NCAPG2: variants seen among roughly 807,000 people sequenced by gnomAD.
NCAPG2 encodes condensin-2 complex subunit G2.
Under a neutral mutation model 141.1 loss-of-function variants are expected in NCAPG2, and 53 were observed. The observed-to-expected ratio is 0.38, with a 90% confidence interval of 0.30 to 0.47. The LOEUF (loss-of-function observed/expected upper bound fraction) is 0.47. Ranked by LOEUF, NCAPG2 falls within the 20% of genes least tolerant of loss-of-function variation. NCAPG2 has a pLI of 0.99. For synonymous variants in NCAPG2, 499 were observed against 490.7 expected (o/e 1.02, Z -0.22); for missense variants, 1,087 against 1,389.0 (o/e 0.78, Z 3.46).
chr7:158,670,446 G>A (rs1563546681), intron 13 of NCAPG2, among the ~76,000 whole-genome samples: 3 of 152,090 alleles, frequency 2.0e-5, no homozygotes, highest in Non-Finnish European at 4.4e-5. Context: ...CACTCCTGTG[G>A]TCCTAGCCAC....
At chr7:158,657,629 GC>G in intron 17 of NCAPG2, among the ~76,000 whole-genome samples, 1 of 152,202 alleles carries the variant, frequency 6.6e-6, no homozygotes, top group South Asian at 2.1e-4. Flanking sequence ...CCTCTGCCTG[GC>G]CACCACCCCG....
At chr7:158,678,289 G>C (rs1330360082) in intron 11 of NCAPG2, among the ~76,000 whole-genome samples, 1 of 152,130 alleles carries the variant, frequency 6.6e-6, no homozygotes, top group African/African-American at 2.4e-5. Context: ...TAAAGGTTGA[G>C]TTAAAGCCTC....
intron 13 of NCAPG2, chr7:158,668,410 T>G: frequency 1.0e-6 from 1 of 981,306 alleles, no homozygotes. Flanking sequence ...TACTGTTTTC[T>G]GTTTTGTTTT....
intron 7 of NCAPG2, among the ~76,000 whole-genome samples, chr7:158,686,489 T>C (rs753213290): frequency 2.0e-5 from 3 of 152,228 alleles, no homozygotes; most frequent in Non-Finnish European, 4.4e-5. Context: ...AAAACTTTAC[T>C]ATTTTCTGTG....
At chr7:158,654,298 C>A (rs1360110962) in intron 22 of NCAPG2, among the ~76,000 whole-genome samples, 1 of 152,152 alleles carries the variant, frequency 6.6e-6, no homozygotes, top group Non-Finnish European at 1.5e-5. Flanking sequence ...CACACAGATG[C>A]CAGGAAATAG....
At chr7:158,632,898 C>G (rs191018104) in intron 27 of NCAPG2, among the ~76,000 whole-genome samples, 135 of 152,264 alleles carry the variant, frequency 8.9e-4, no homozygotes, top group African/African-American at 3.0e-3. Flanking sequence ...TCCATACTGT[C>G]TTCAAAACCT....
intron 11 of NCAPG2, among the ~76,000 whole-genome samples, chr7:158,675,871 G>A (rs960417837): frequency 1.3e-5 from 2 of 152,138 alleles, no homozygotes; most frequent in African/African-American, 2.4e-5. Flanking sequence ...TGCCTCATGT[G>A]CCACATCCCC....
intron 11 of NCAPG2, among the ~76,000 whole-genome samples, chr7:158,676,685 G>A (rs1342154569): frequency 1.3e-5 from 2 of 152,072 alleles, no homozygotes; most frequent in East Asian, 3.9e-4. Context: ...GGCACACAGG[G>A]GTTATTACTC....
At chr7:158,677,099 G>A (rs1287449120) in intron 11 of NCAPG2, among the ~76,000 whole-genome samples, 3 of 152,098 alleles carry the variant, frequency 2.0e-5, no homozygotes, top group Non-Finnish European at 4.4e-5. Context: ...CAGGAGTTCA[G>A]GGGCAAGGAT....
Position 158,690,660 on chromosome 7 carries a change from C to T in NCAPG2, c.445G>A (p.Val149Ile), listed in dbSNP as rs1336748278. The T allele has an allele frequency of 6.2e-7, 1 of 1,614,006 alleles. No homozygotes were observed. Among genetic ancestry groups the T allele is most frequent in the African/African-American group, 1.3e-5 (1 of 74,944 alleles). ...GGCAGGCCTTTCTCCCACCAGGTAA[C>T]ACACAAATCCTGAATAGAACTCTGT... Reference protein sequence around the residue: ...KLQSSIQDLCVTWWEKGLPAK... With the variant: ...KLQSSIQDLCITWWEKGLPAK... The change falls in exon 5 of 28, where the codon GTT becomes ATT. Residue 149 changes from valine (V) to isoleucine (I), a missense_variant. By Grantham distance (29) the Val-to-Ile change is conservative. Transcript: ENST00000356309.
intron 2 of NCAPG2, among the ~76,000 whole-genome samples, chr7:158,694,894 C>T (rs987869433): frequency 6.6e-6 from 1 of 152,158 alleles, no homozygotes; most frequent in Non-Finnish European, 1.5e-5. Flanking sequence ...CAATTCTCCT[C>T]TCCATTTTCC....
chr7:158,644,579 T>C (rs1830867791), intron 26 of NCAPG2, among the ~76,000 whole-genome samples, 191 bp from the exon 27 acceptor site: 2 of 152,164 alleles, frequency 1.3e-5, no homozygotes, highest in South Asian at 4.1e-4. Flanking sequence ...AAACAAACGT[T>C]TACTGGGAAG....
intron 12 of NCAPG2, among the ~76,000 whole-genome samples, chr7:158,673,525 C>A (rs1383040003): frequency 6.6e-6 from 1 of 152,222 alleles, no homozygotes; most frequent in Non-Finnish European, 1.5e-5. Context: ...GCCTGTGGGT[C>A]TGCACGAGGC....
intron 19 of NCAPG2, 56 bp from the exon 20 acceptor site, chr7:158,655,511 C>T (rs987922332): frequency 4.3e-6 from 6 of 1,408,266 alleles, no homozygotes; most frequent in African/African-American, 1.4e-5. Context: ...CCACCACACC[C>T]CGTACAGCAA....
At chr7:158,655,073 C>T (rs375015195) in intron 21 of NCAPG2, 45 bp downstream of exon 21, 7 of 1,544,792 alleles carry the variant, frequency 4.5e-6, no homozygotes, top group Non-Finnish European at 6.1e-6. Flanking sequence ...TGAAACATAA[C>T]AAACTTGGTA....
chr7:158,653,975 C>T (rs1384088262), intron 22 of NCAPG2, among the ~76,000 whole-genome samples: 5 of 151,584 alleles, frequency 3.3e-5, no homozygotes, highest in African/African-American at 7.3e-5. Flanking sequence ...AGGGGCTAGG[C>T]GTCAGGGGCC....
chr7:158,696,749 C>G (rs776602567), intron 2 of NCAPG2: 2 of 152,228 alleles, frequency 1.3e-5, no homozygotes, highest in African/African-American at 2.4e-5. Context: ...AAGTCCACAC[C>G]CTTAGCTTCC....
chr7:158,687,221 GGT>G (rs1251408218), intron 7 of NCAPG2, 125 bp downstream of exon 7: 23 of 531,140 alleles, frequency 4.3e-5, no homozygotes, highest in Middle Eastern at 3.4e-4. Context: ...GTGATCCAAT[GGT>G]ACATAATAAA....
chr7:158,645,986 A>T (rs992664149), intron 25 of NCAPG2, among the ~76,000 whole-genome samples: 7 of 152,258 alleles, frequency 4.6e-5, no homozygotes, highest in Admixed American at 3.9e-4. Context: ...GGTACCAGAC[A>T]TCTGCAAAGC....
Sources: gnomAD v4.1 joint callset for allele counts (sites outside exome capture counted in the v4.1 genomes callset) on GRCh38, gnomAD v4.1.1 for gene constraint, MANE v1.5 for transcripts, NCBI Gene and HGNC (gene_info 2026-07-23, HGNC 2026-07-21) for gene names.